Variants in IGSF5 observed in about 807,000 individuals in gnomAD.
IGSF5 encodes immunoglobulin superfamily member 5.
In IGSF5, 41 loss-of-function variants were observed where a neutral mutation model predicts 39.4. That is an observed-to-expected ratio of 1.04 (90% CI 0.81 to 1.35). The LOEUF (loss-of-function observed/expected upper bound fraction) is 1.35. Ranked by LOEUF, IGSF5 falls within the 40% of genes most tolerant of loss-of-function variation. The pLI is 0.00. For synonymous variants in IGSF5, 183 were observed against 175.3 expected (o/e 1.04, Z -0.34); for missense variants, 487 against 494.6 (o/e 0.98, Z 0.15).
intron 6 of IGSF5, among the ~76,000 whole-genome samples, chr21:39,789,713 A>C (rs1262280258): frequency 2.0e-5 from 3 of 152,148 alleles, no homozygotes; most frequent in Admixed American, 6.5e-5. Flanking sequence ...AATCACCCAC[A>C]CTTCTATAGT....
At chr21:39,756,717 A>G (rs1268820607) in intron 2 of IGSF5, among the ~76,000 whole-genome samples, 1 of 152,168 alleles carries the variant, frequency 6.6e-6, no homozygotes, top group Non-Finnish European at 1.5e-5. Flanking sequence ...TGACATGTTC[A>G]GCACATAGGT....
the IGSF5 span, chr21:39,722,579 T>C: frequency 5.8e-4 from 89 of 152,296 alleles, no homozygotes; most frequent in Non-Finnish European, 3.4e-4. Context: ...TTTGGTTGTA[T>C]TAAGCCCCCA....
In IGSF5 at chr21:39,779,249, G is replaced by C; in HGVS notation, c.878G>C (p.Arg293Pro). The C allele has an allele frequency of 6.2e-7, 1 of 1,613,654 alleles. No homozygotes were observed. Among genetic ancestry groups the C allele is most frequent in the South Asian group, 1.1e-5 (1 of 91,072 alleles). ...ATACGCTGCTGCTGCTGCCGCCGTCGTTGTTGTGGCTGCAACTGCTGCTGC... is the reference window on the plus strand; with the variant it reads ...ATACGCTGCTGCTGCTGCCGCCGTCCTTGTTGTGGCTGCAACTGCTGCTGC... ...LTIRCCCCRR[R>P]CCGCNCCCRC... Residue 293 changes from arginine (R) to proline (P), a missense_variant, in exon 5 of 9, where the codon CGT becomes CCT. Transcript: ENST00000380588.
At chr21:39,798,513 C>A (rs1029255877) in intron 8 of IGSF5, among the ~76,000 whole-genome samples, 1 of 152,138 alleles carries the variant, frequency 6.6e-6, no homozygotes, top group Non-Finnish European at 1.5e-5. Flanking sequence ...TTAGGAGGAG[C>A]AGCAGGTTTC....
chr21:39,722,153 CACTG>C, the IGSF5 span, among the ~76,000 whole-genome samples: 1 of 152,108 alleles, frequency 6.6e-6, no homozygotes, highest in African/African-American at 2.4e-5. Context: ...TTTTAGAAAG[CACTG>C]ACTGAGTGGA....
intron 4 of IGSF5, among the ~76,000 whole-genome samples, chr21:39,773,858 G>A (rs574428548): frequency 6.6e-6 from 1 of 152,330 alleles, no homozygotes; most frequent in Admixed American, 6.5e-5. Flanking sequence ...ATCTTAACGA[G>A]GTAACGATGC....
intron 2 of IGSF5, among the ~76,000 whole-genome samples, chr21:39,758,750 G>A (rs2080046063): frequency 6.6e-6 from 1 of 152,140 alleles, no homozygotes; most frequent in African/African-American, 2.4e-5. Flanking sequence ...AGGAACTGGG[G>A]TTTTCACAGC....
chr21:39,735,883 G>A, the IGSF5 span, among the ~76,000 whole-genome samples: 1 of 152,138 alleles, frequency 6.6e-6, no homozygotes, highest in Admixed American at 6.5e-5. Context: ...TCCCTTAAGA[G>A]CAGCTCAGGC....
upstream of IGSF5, among the ~76,000 whole-genome samples, chr21:39,743,159 T>C (rs1345208301): frequency 6.6e-6 from 1 of 152,184 alleles, no homozygotes; most frequent in Non-Finnish European, 1.5e-5. Flanking sequence ...CTCCATGTTC[T>C]GATTCTGTGT....
the IGSF5 span, among the ~76,000 whole-genome samples, chr21:39,739,393 A>C: frequency 1.3e-5 from 2 of 151,658 alleles, no homozygotes; most frequent in African/African-American, 4.9e-5. Flanking sequence ...TGTCCCTCTC[A>C]CTGTTCTCTC....
In IGSF5 at chr21:39,779,272, T is replaced by C. The variant is rs963359781; in HGVS notation, c.901T>C (p.Cys301Arg). 7 of 1,612,776 alleles carry C rather than the reference T, an allele frequency of 4.3e-6. No individual in the cohort carries two copies. The highest frequency in any genetic ancestry group is 5.9e-6 in the Non-Finnish European group (7 of 1,178,834). Residue 301 changes from cysteine (C) to arginine (R), a missense_variant, in exon 5 of 9, where the codon TGC becomes CGC. Cys to Arg is a radical substitution (Grantham distance 180). Transcript: ENST00000380588. Reference protein sequence around the residue: ...RRRCCGCNCCCRCCFCCRRKR... With the variant: ...RRRCCGCNCCRRCCFCCRRKR... Reference sequence around the variant, plus strand: ...TCGTTGTTGTGGCTGCAACTGCTGCTGCCGTTGTTGTTTCTGCTGTAGAAG... The same window carrying C: ...TCGTTGTTGTGGCTGCAACTGCTGCCGCCGTTGTTGTTTCTGCTGTAGAAG...
chr21:39,789,084 G>A (rs2086944518), intron 6 of IGSF5, among the ~76,000 whole-genome samples: 1 of 152,162 alleles, frequency 6.6e-6, no homozygotes, highest in African/African-American at 2.4e-5. Flanking sequence ...CTTAGGGCAA[G>A]GGAAGAGGAA....
chr21:39,797,089 C>T (rs1440800398), intron 8 of IGSF5, among the ~76,000 whole-genome samples: 1 of 152,160 alleles, frequency 6.6e-6, no homozygotes, highest in African/African-American at 2.4e-5. Context: ...ACAGGCTAGT[C>T]CAGCATTTCT....
intron 5 of IGSF5, among the ~76,000 whole-genome samples, chr21:39,787,920 G>A (rs2086933626): frequency 6.6e-6 from 1 of 152,052 alleles, no homozygotes; most frequent in Non-Finnish European, 1.5e-5. Context: ...AATATAGTAA[G>A]TACTATACAG....
At chr21:39,741,300 G>T (rs2079947881), upstream of IGSF5, among the ~76,000 whole-genome samples, 1 of 152,132 alleles carries the variant, frequency 6.6e-6, no homozygotes, top group Admixed American at 6.5e-5. Flanking sequence ...GCCGTACCTG[G>T]GAATCCATAT....
At chr21:39,719,636 T>C in the IGSF5 span, among the ~76,000 whole-genome samples, 1 of 152,212 alleles carries the variant, frequency 6.6e-6, no homozygotes, top group Non-Finnish European at 1.5e-5. Context: ...CTAGAATCCA[T>C]AGATTCCTGT....
intron 2 of IGSF5, among the ~76,000 whole-genome samples, chr21:39,761,844 T>C (rs1006487013): frequency 2.6e-5 from 4 of 152,066 alleles, no homozygotes; most frequent in African/African-American, 9.7e-5. Context: ...ATTTTTAATT[T>C]TTTTGTAGAG....
upstream of IGSF5, among the ~76,000 whole-genome samples, chr21:39,743,217 C>T (rs2079955557): frequency 6.6e-6 from 1 of 152,194 alleles, no homozygotes; most frequent in Non-Finnish European, 1.5e-5. Context: ...TGTGGGGAAT[C>T]ATTCTCTTTC....
intron 3 of IGSF5, among the ~76,000 whole-genome samples, chr21:39,766,073 C>G (rs2080086193): frequency 1.3e-5 from 2 of 152,208 alleles, no homozygotes; most frequent in African/African-American, 4.8e-5. Context: ...TTCTCCCCCT[C>G]TCTTCCTTCC....
Sources: allele counts gnomAD v4.1 joint callset (sites outside exome capture counted in the v4.1 genomes callset), GRCh38; gene constraint gnomAD v4.1.1; transcripts MANE v1.5; gene names NCBI Gene and HGNC (gene_info 2026-07-23, HGNC 2026-07-21).